TAFA2: variants seen among roughly 807,000 people sequenced by gnomAD.
TAFA2 encodes chemokine-like protein TAFA-2.
Under a neutral mutation model 18.8 loss-of-function variants are expected in TAFA2, and 7 were observed. The observed-to-expected ratio is 0.37, with a 90% CI of 0.21 to 0.70. The LOEUF is 0.70. Ranked by LOEUF, TAFA2 falls within the 30% of genes least tolerant of loss-of-function variation. The pLI is 0.53. For missense variants in TAFA2, 122 were observed against 158.1 expected (o/e 0.77, Z 1.23); for synonymous variants, 60 against 54.2 (o/e 1.11, Z -0.47).
At chr12:62,063,154 G>A (rs548232927) in intron 1 of TAFA2, among the ~76,000 whole-genome samples, 2 of 152,178 alleles carry the variant, frequency 1.3e-5, no homozygotes, top group Non-Finnish European at 2.9e-5. Flanking sequence ...TGGGGGGACC[G>A]TTATTCCGCC....
chr12:62,003,459 C>T (rs761192987), intron 1 of TAFA2, among the ~76,000 whole-genome samples: 3 of 152,110 alleles, frequency 2.0e-5, no homozygotes, highest in Non-Finnish European at 2.9e-5. Flanking sequence ...TGTTCTTACC[C>T]TAGATATACT....
At chr12:62,081,061 G>C (rs920448013) in intron 1 of TAFA2, among the ~76,000 whole-genome samples, 1 of 152,060 alleles carries the variant, frequency 6.6e-6, no homozygotes, top group Non-Finnish European at 1.5e-5. Context: ...CGGGCGTAGT[G>C]GGGGGCGCCT....
chr12:62,241,099 G>T (rs1161010553), intron 1 of TAFA2, among the ~76,000 whole-genome samples: 2 of 152,134 alleles, frequency 1.3e-5, no homozygotes, highest in Non-Finnish European at 2.9e-5. Flanking sequence ...CCTTGAGGAA[G>T]TATGTCTGAT....
In TAFA2 at chr12:61,830,902, T is replaced by A. The variant is rs1473459783; in HGVS notation, c.106+36418A>T. ...AACAGCGGGCCAAATATGTATTTAGTGAAACTTTACCAAACATATCAGAAT... is the reference window on the plus strand; with the variant it reads ...AACAGCGGGCCAAATATGTATTTAGAGAAACTTTACCAAACATATCAGAAT... On this transcript the variant is annotated intron_variant, in intron 2 of 4. Transcript: ENST00000416284. 5.3e-5 allele frequency among the ~76,000 whole-genome samples: 8 copies of A among 152,052 alleles called. No individual in the cohort carries two copies. In the East Asian group the frequency reaches 1.5e-3, roughly 29 times the overall value.
chr12:62,053,751 C>T (rs348631), intron 1 of TAFA2, among the ~76,000 whole-genome samples: 125,540 of 152,134 alleles, frequency 0.83, 51,988 homozygotes, highest in Middle Eastern at 0.87. Context: ...CCTGGTTCTA[C>T]TGCTTAGCAG....
chr12:61,825,218 A>G (rs1299030998), intron 2 of TAFA2, among the ~76,000 whole-genome samples: 1 of 152,134 alleles, frequency 6.6e-6, no homozygotes. Context: ...GGCCTGAACT[A>G]GGCTGGAATG....
At chr12:61,760,958 A>G (rs775790318) in intron 2 of TAFA2, among the ~76,000 whole-genome samples, 4 of 151,844 alleles carry the variant, frequency 2.6e-5, no homozygotes, top group Non-Finnish European at 5.9e-5. Flanking sequence ...TTGTGAAATG[A>G]CAGCATAGAC....
At chr12:62,243,677 A>G (rs1028326762) in intron 1 of TAFA2, among the ~76,000 whole-genome samples, 1 of 152,248 alleles carries the variant, frequency 6.6e-6, no homozygotes, top group South Asian at 2.1e-4. Context: ...ATCATTTTAT[A>G]AAATGACCCT....
In TAFA2 at chr12:62,090,133, C is replaced by T. The variant is rs71465131; in HGVS notation, c.-2+101126G>A. Among the ~76,000 whole-genome samples, 236 of 152,114 alleles carry T rather than the reference C, an allele frequency of 1.6e-3. 1 individual carries two copies. Among genetic ancestry groups the T allele is most frequent in the Non-Finnish European group, 2.9e-3 (199 of 67,930 alleles). On this transcript the variant is annotated intron_variant, in intron 1 of 4. Coordinates refer to ENST00000416284, the MANE Select transcript of TAFA2 (RefSeq NM_178539.5). ...ATTAGTCTCCCTTGGTTTTAATTCA[C>T]GTTCAGATCTTGGCTTTTCCAGTGG... is the stretch of plus-strand genomic sequence containing the variant.
At chr12:62,078,001 C>T (rs1868263724) in intron 1 of TAFA2, among the ~76,000 whole-genome samples, 2 of 152,124 alleles carry the variant, frequency 1.3e-5, no homozygotes, top group Admixed American at 1.3e-4. Context: ...ATCTGTTAGC[C>T]CTCCTACATT....
At position 61,788,619 on chromosome 12, in the gene TAFA2, G is replaced by A. The variant is rs187720023; in HGVS notation, c.107-33595C>T. Among the ~76,000 whole-genome samples the A allele has an allele frequency of 2.4e-3, 357 of 151,478 alleles. 2 individuals are homozygous for A. The highest frequency in any genetic ancestry group is 8.1e-3 in the African/African-American group (335 of 41,378). On this transcript the variant is annotated intron_variant, in intron 2 of 4. Transcript: ENST00000416284. ...AAAACATCAACGGAATAAAGAACTG[G>A]GTTTTTAAAAAGATAAACAAAATTT... is the stretch of plus-strand genomic sequence containing the variant.
At chr12:62,153,237 C>A (rs918512455) in intron 1 of TAFA2, among the ~76,000 whole-genome samples, 1 of 152,154 alleles carries the variant, frequency 6.6e-6, no homozygotes, top group African/African-American at 2.4e-5. Flanking sequence ...CTTGAACTAT[C>A]ACATCCCATT....
intron 1 of TAFA2, among the ~76,000 whole-genome samples, chr12:62,239,655 A>G (rs1211260717): frequency 6.6e-6 from 1 of 152,148 alleles, no homozygotes; most frequent in Non-Finnish European, 1.5e-5. Context: ...AAAAAGAAAA[A>G]CAGCTGCTTG....
At chr12:61,714,769 T>C (rs554912878) in intron 4 of TAFA2, among the ~76,000 whole-genome samples, 70 of 152,360 alleles carry the variant, frequency 4.6e-4, no homozygotes, top group Middle Eastern at 3.4e-3. Context: ...TGTCCTTTTA[T>C]AAAATTCTTA....
chr12:61,970,744 AC>A (rs1879219763), intron 1 of TAFA2, among the ~76,000 whole-genome samples: 1 of 151,438 alleles, frequency 6.6e-6, no homozygotes, highest in Admixed American at 6.6e-5. Flanking sequence ...AACAAGAGTC[AC>A]CAGTTTAAAA....
intron 1 of TAFA2, among the ~76,000 whole-genome samples, chr12:62,071,057 C>T (rs1455541076): frequency 1.3e-5 from 2 of 152,150 alleles, no homozygotes; most frequent in Admixed American, 6.5e-5. Context: ...CAACAAATAA[C>T]GTATTAAACC....
chr12:62,001,057 A>C (rs1880359754), intron 1 of TAFA2, among the ~76,000 whole-genome samples: 1 of 152,252 alleles, frequency 6.6e-6, no homozygotes, highest in African/African-American at 2.4e-5. Flanking sequence ...TTCTACAGAA[A>C]TAACAAAAGG....
intron 1 of TAFA2, among the ~76,000 whole-genome samples, chr12:62,105,664 C>T (rs1869414993): frequency 1.3e-5 from 2 of 152,258 alleles, no homozygotes; most frequent in East Asian, 1.9e-4. Flanking sequence ...GATGACGCAT[C>T]CCAGATACGT....
intron 1 of TAFA2, among the ~76,000 whole-genome samples, chr12:62,164,225 G>T (rs1240277742): frequency 6.6e-6 from 1 of 152,014 alleles, no homozygotes; most frequent in Non-Finnish European, 1.5e-5. Context: ...GTAAACTTGA[G>T]GTTTTTGAAG....
Sources: gnomAD v4.1 joint callset for allele counts (sites outside exome capture counted in the v4.1 genomes callset) on GRCh38, gnomAD v4.1.1 for gene constraint, MANE v1.5 for transcripts, NCBI Gene and HGNC (gene_info 2026-07-23, HGNC 2026-07-21) for gene names.